Variants in MAST1 observed in about 807,000 individuals in gnomAD.
MAST1 encodes the protein microtubule associated serine/threonine kinase 1.
A neutral mutation model predicts 124.6 loss-of-function variants in MAST1; 40 were observed. The ratio of observed to expected loss-of-function variants is 0.32; its 90% CI spans 0.25 to 0.42. The LOEUF (loss-of-function observed/expected upper bound fraction) is 0.42, where lower values mean the gene tolerates loss of function less well. Ranked by LOEUF, MAST1 falls within the 10% of genes least tolerant of loss-of-function variation. MAST1 has a pLI of 1.00. For synonymous variants in MAST1, 938 were observed against 939.4 expected, an observed-to-expected ratio of 1.00 and a Z score of 0.03; for missense variants, 1,558 against 2,181.9, an observed-to-expected ratio of 0.71 and a Z score of 5.70.
Position 12,847,730 on chromosome 19 carries a change from T to A in MAST1, c.564+43T>A, listed in dbSNP as rs756012814. On this transcript the variant is annotated intron_variant, in intron 6 of 25. Transcript: ENST00000251472. This position sits in a 1 kb window ranked among gnomAD's most constrained non-coding sequence, Gnocchi z 5.5. ...GCGGTCACGGGGTGACCAGGCGGCC[T>A]GCACTCTCGCTCGCCTTATCCCCGC... 3 of 1,604,424 alleles carry A rather than the reference T, an allele frequency of 1.9e-6. No homozygotes were observed. Among genetic ancestry groups the A allele is most frequent in the Non-Finnish European group, 2.6e-6 (3 of 1,173,662 alleles).
In MAST1 at chr19:12,867,361, C is replaced by A. The variant is rs577989019; in HGVS notation, c.2140-113C>A. 1.1e-5 allele frequency: 13 copies of A among 1,223,520 alleles called. No individual in the cohort carries two copies. In the East Asian group the frequency reaches 2.8e-4, roughly 26 times the overall value. The allele number at this position is 1,223,520 out of a possible 1,614,324, so 75.8% of individuals were successfully genotyped here. A position where few individuals can be genotyped will look rare whatever the true frequency, so the allele number is the denominator to read the frequency against. On this transcript the variant is annotated intron_variant, in intron 18 of 25. Transcript: ENST00000251472. ...GGGGATCATGCACAATTGGGCGGAG[C>A]CAGGCCTCGGAGGGTGGAGTGCGTT...
chr19:12,864,711 A>G, intron 12 of MAST1, 98 bp from the exon 13 acceptor site: 1 of 1,502,814 alleles, frequency 6.7e-7, no homozygotes. Flanking sequence ...CCTTATCTAT[A>G]AAACGGGTAC....
Position 12,864,933 on chromosome 19 carries a change from C to T in MAST1, c.1491C>T (p.Asp497=), listed in dbSNP as rs748149141. 2 of 1,614,190 alleles carry T rather than the reference C, an allele frequency of 1.2e-6. No individual in the cohort carries two copies. The highest frequency in any genetic ancestry group is 1.7e-6 in the Non-Finnish European group (2 of 1,180,018). ...ACAACTATGGCATCGTGCACCGCGA[C>T]CTCAAGCCTGACAAGTGAGCTTTGA... ...YLHNYGIVHR[D]LKPDNLLITS... The change falls in exon 13 of 26, where the codon GAC becomes GAT. Residue 497 remains aspartate, a synonymous_variant. Transcript: ENST00000251472.
chr19:12,841,023 T>A lies in MAST1; in HGVS notation c.205T>A (p.Ser69Thr). 1.3e-6 allele frequency: 2 copies of A among 1,485,472 alleles called. No individual in the cohort carries two copies. The highest frequency in any genetic ancestry group is 9.4e-7 in the Non-Finnish European group (1 of 1,062,726). 92.0% of individuals were successfully genotyped at this position (1,485,472 alleles called of 1,614,324 possible). A position where few individuals can be genotyped will look rare whatever the true frequency, so the allele number is the denominator to read the frequency against. The change falls in exon 3 of 26, where the codon TCC (serine) becomes ACC (threonine). Residue 69 changes from serine (S) to threonine (T), a missense_variant. Ser to Thr is a moderately conservative substitution (Grantham distance 58). Coordinates refer to ENST00000251472, the MANE Select transcript of MAST1 (RefSeq NM_014975.3). This position sits in a 1 kb window ranked among gnomAD's most constrained non-coding sequence, Gnocchi z 4.3. Reference sequence around the variant, plus strand: ...TCCCCTGGACAGCCCCCGAAACTTCTCCCCCAACACCCCCGCCCACTTCTC... The same window carrying A: ...TCCCCTGGACAGCCCCCGAAACTTCACCCCCAACACCCCCGCCCACTTCTC... The part of the protein sequence containing the change: ...SSPLDSPRNF[S>T]PNTPAHFSFA...
Position 12,852,190 on chromosome 19 carries a change from A to G in MAST1, c.952A>G (p.Thr318Ala), listed in dbSNP as rs1969969492. The G allele has an allele frequency of 3.1e-6, 5 of 1,613,868 alleles. No individual in the cohort carries two copies. The highest frequency in any genetic ancestry group is 4.2e-6 in the Non-Finnish European group (5 of 1,180,008). ...CGCCAAGGAGGGCCACCTTGTGAAG[A>G]CGGACATCCCCCGCTACATCATCCG... ...GHAKEGHLVK[T>A]DIPRYIIRQL... The change falls in exon 9 of 26, where the codon ACG becomes GCG. Residue 318 changes from threonine (T) to alanine (A), a missense_variant. This residue lies in a region of MAST1 where 136 missense variants were observed against 160.9 expected (regional missense o/e 0.85). Coordinates refer to ENST00000251472, the MANE Select transcript of MAST1 (RefSeq NM_014975.3).
chr19:12,849,343 A>C (rs1180704814), intron 7 of MAST1, among the ~76,000 whole-genome samples: 4 of 152,162 alleles, frequency 2.6e-5, no homozygotes, highest in Non-Finnish European at 5.9e-5. Flanking sequence ...CTTGGGCAAC[A>C]TAGCAGGACC....
intron 12 of MAST1, among the ~76,000 whole-genome samples, chr19:12,860,917 C>A (rs144291557): frequency 4.1e-4 from 63 of 152,164 alleles, no homozygotes; most frequent in African/African-American, 1.5e-3. Context: ...CGAACACCTC[C>A]TCATCATCTC....
chr19:12,867,700 G>A (rs781337973), intron 19 of MAST1, 30 bp from the exon 20 acceptor site: 9 of 1,536,104 alleles, frequency 5.9e-6, no homozygotes, highest in South Asian at 1.2e-5. Flanking sequence ...AAGGGGGCGT[G>A]TCTTCCATAA....
At chr19:12,842,083 G>T (rs1253493981) in intron 3 of MAST1, among the ~76,000 whole-genome samples, 2 of 152,156 alleles carry the variant, frequency 1.3e-5, no homozygotes, top group African/African-American at 2.4e-5. Context: ...GAGGGATTAC[G>T]TGCCTATGCA....
chr19:12,874,233 A>C lies in MAST1; in HGVS notation c.4076A>C (p.Glu1359Ala). Residue 1359 changes from glutamate (E) to alanine (A), a missense_variant, in exon 26 of 26, where the codon GAG (glutamate) becomes GCG (alanine). Physicochemically the swap from Glu to Ala is moderately radical, Grantham distance 107. Coordinates refer to ENST00000251472, the MANE Select transcript of MAST1 (RefSeq NM_014975.3). This position sits in a 1 kb window ranked among gnomAD's most constrained non-coding sequence, Gnocchi z 6.6. ...GASRPPVSSK[E>A]KESPGGAEAC... The stretch of plus-strand genomic sequence containing the variant: ...TCCAGGCCACCAGTGTCGAGCAAGG[A>C]GAAGGAATCCCCGGGGGGCGCCGAG... 3.2e-6 allele frequency: 5 copies of C among 1,553,458 alleles called. No homozygotes were observed. The highest frequency in any genetic ancestry group is 4.3e-6 in the Non-Finnish European group (5 of 1,152,562).
intron 2 of MAST1, 52 bp downstream of exon 2, chr19:12,840,586 G>A: frequency 7.3e-7 from 1 of 1,361,582 alleles, no homozygotes; most frequent in Non-Finnish European, 1.0e-6. Context: ...ACAGTAGGCG[G>A]GGCCTCAGGC....
intron 20 of MAST1, among the ~76,000 whole-genome samples, chr19:12,868,233 C>T (rs560771213): frequency 3.6e-4 from 55 of 150,742 alleles, no homozygotes; most frequent in Non-Finnish European, 6.8e-4. Context: ...CTCAGCCTCC[C>T]GAGTAGCTGG....
chr19:12,872,017 G>T (rs1364779562), intron 24 of MAST1, among the ~76,000 whole-genome samples: 2 of 152,062 alleles, frequency 1.3e-5, no homozygotes, highest in Non-Finnish European at 2.9e-5. Flanking sequence ...TTGTAGGAGG[G>T]TCTTGCACAT....
Position 12,866,694 on chromosome 19 carries a change from G to T in MAST1, c.2071G>T (p.Asp691Tyr). 6.2e-7 allele frequency: 1 copy of T among 1,613,990 alleles called. No individual in the cohort carries two copies. The highest frequency in any genetic ancestry group is 8.5e-7 in the Non-Finnish European group (1 of 1,179,988). Residue 691 changes from aspartate (D) to tyrosine (Y), a missense_variant, in exon 18 of 26, where the codon GAT becomes TAT. Physicochemically the swap from Asp to Tyr is radical, Grantham distance 160. Around this residue, in one of 10 missense-constraint regions of MAST1, gnomAD observed 287 missense variants for 308.0 expected, o/e 0.93. Coordinates refer to ENST00000251472, the MANE Select transcript of MAST1 (RefSeq NM_014975.3). The surrounding 1 kb of genome is among the most constrained non-coding windows in gnomAD (Gnocchi z 5.2). ...TCACCACGTGAACTCCTATGACGAG[G>T]ATGACACGACGGAGGAGGAGCCCGT... ...RYHHVNSYDE[D>Y]DTTEEEPVEI...
At chr19:12,868,994 G>A (rs542591352) in intron 21 of MAST1, 72 bp from the exon 22 acceptor site, 3 of 1,556,540 alleles carry the variant, frequency 1.9e-6, no homozygotes, top group East Asian at 2.3e-5. Flanking sequence ...GCCTTGGGAG[G>A]AGGGAGGAGC....
At chr19:12,854,700 T>C (rs1255825965) in intron 10 of MAST1, among the ~76,000 whole-genome samples, 2 of 152,212 alleles carry the variant, frequency 1.3e-5, no homozygotes, top group Non-Finnish European at 2.9e-5. Flanking sequence ...ATTTAGGATA[T>C]ACGTCTAGAG....
Position 12,868,847 on chromosome 19 carries a change from C to A in MAST1, c.2771C>A (p.Ala924Glu), listed in dbSNP as rs1272780739. 1.9e-6 allele frequency: 3 copies of A among 1,573,454 alleles called. No individual in the cohort carries two copies. The highest frequency in any genetic ancestry group is 3.5e-5 in the Admixed American group (2 of 56,692). The change falls in exon 21 of 26, where the codon GCA (alanine) becomes GAA (glutamate). Residue 924 changes from alanine to glutamate, a missense_variant and splice_region_variant. By Grantham distance (107) the Ala-to-Glu change is moderately radical (BLOSUM62 -1). Coordinates refer to ENST00000251472, the MANE Select transcript of MAST1 (RefSeq NM_014975.3). ...ACTGCCTTATCTGTCATGATTCCTGCAGGTAATGCTGGGCCCCACCTGGCA... is the reference window on the plus strand; with the variant it reads ...ACTGCCTTATCTGTCATGATTCCTGAAGGTAATGCTGGGCCCCACCTGGCA... ...SATALSVMIP[A>E]VDPHGSSPLA...
Position 12,843,915 on chromosome 19 carries a change from C to A in MAST1, c.327+308C>A, listed in dbSNP as rs1283295467. Among the ~76,000 whole-genome samples, 1 of 152,104 alleles carries A rather than the reference C, an allele frequency of 6.6e-6. No individual in the cohort carries two copies. Among genetic ancestry groups the A allele is most frequent in the Non-Finnish European group, 1.5e-5 (1 of 68,018 alleles). ...ATTTGGGAGGCTGAGACGGGAGGAT[C>A]GCTGGAGTCTGGGAGGTATAGGCTA... On this transcript the variant is annotated intron_variant, in intron 4 of 25. Transcript: ENST00000251472. This position sits in a 1 kb window ranked among gnomAD's most constrained non-coding sequence, Gnocchi z 4.9.
intron 7 of MAST1, among the ~76,000 whole-genome samples, chr19:12,849,511 A>G (rs2145892531): frequency 6.6e-6 from 1 of 152,054 alleles, no homozygotes; most frequent in South Asian, 2.1e-4. Flanking sequence ...AAAATACAAA[A>G]AAGTTAGCCG....
Sources: allele counts gnomAD v4.1 joint callset (sites outside exome capture counted in the v4.1 genomes callset), GRCh38; gene constraint gnomAD v4.1.1; regional missense constraint gnomAD v4.1.1; non-coding constraint Gnocchi (gnomAD v3.1); transcripts MANE v1.5; gene names NCBI Gene and HGNC (gene_info 2026-07-23, HGNC 2026-07-21).